The following KIF1C variants were observed in gnomAD, a reference collection of about 807,000 sequenced individuals.
KIF1C encodes the protein kinesin family member 1C.
In KIF1C, 61 loss-of-function variants were observed where a neutral mutation model predicts 126.5. The observed-to-expected ratio is 0.48, with a 90% CI of 0.39 to 0.60. KIF1C has a LOEUF of 0.60. KIF1C is among the 20% of genes least tolerant of loss of function. KIF1C has a pLI of 0.00. For synonymous variants in KIF1C, 640 were observed against 580.6 expected (o/e 1.10, Z -1.47); for missense variants, 1,315 against 1,489.2 (o/e 0.88, Z 1.93).
At position 5,024,110 on chromosome 17, in the gene KIF1C, C is replaced by T. The variant is rs755305909; in HGVS notation, c.3271C>T (p.Arg1091Cys). ...YTTPPRMRRQ[R>C]SAPDLKESGA... ...TACTCCCCCACGAATGAGACGGCAG[C>T]GTTCTGCCCCTGACCTCAAGGAGAG... Residue 1091 changes from arginine to cysteine, a missense_variant, in exon 23 of 23, where the codon CGT becomes TGT. This residue lies in a region of KIF1C where 441 missense variants were observed against 436.1 expected (regional missense o/e 1.01). Coordinates refer to ENST00000320785, the MANE Select transcript of KIF1C (RefSeq NM_006612.6). 25 of 1,610,406 alleles carry T rather than the reference C, an allele frequency of 1.6e-5. No homozygotes were observed. The highest frequency in any genetic ancestry group is 8.4e-5 in the Admixed American group (5 of 59,578).
At position 5,002,821 on chromosome 17, in the gene KIF1C, C is replaced by T; in HGVS notation, c.699C>T (p.Leu233=). 1 of 1,612,728 alleles carries T rather than the reference C, an allele frequency of 6.2e-7. No homozygotes were observed. The highest frequency in any genetic ancestry group is 8.5e-7 in the Non-Finnish European group (1 of 1,179,478). ...TCACACAGCGCTGCCATGACCAGCT[C>T]ACGGGGCTGGACTCGGAGAAGGTGG... The part of the protein sequence containing the change: ...IVFTQRCHDQ[L]TGLDSEKVSK... The change falls in exon 8 of 23, where the codon CTC becomes CTT. Residue 233 remains leucine, a synonymous_variant. Transcript: ENST00000320785.
In KIF1C at chr17:4,998,120, C is replaced by T. The variant is rs1974433700; in HGVS notation, c.-185C>T. ...CACGCTTCCCGGAAAGCTTGTCCCT[C>T]TCCGCCGAGCTGCTCCGGGAGCCCC... On this transcript the variant is annotated 5_prime_UTR_variant, in exon 1 of 23. Coordinates refer to ENST00000320785, the MANE Select transcript of KIF1C (RefSeq NM_006612.6). The T allele has an allele frequency of 6.6e-6, 1 of 152,192 alleles. No individual in the cohort carries two copies. Among genetic ancestry groups the T allele is most frequent in the African/African-American group, 2.4e-5 (1 of 41,456 alleles). 9.4% of individuals were successfully genotyped at this position (152,192 alleles called of 1,614,324 possible).
In KIF1C at chr17:5,004,708, G is replaced by A. The variant is rs978232543; in HGVS notation, c.1019+63G>A. The A allele has an allele frequency of 1.4e-5, 23 of 1,588,582 alleles. No homozygotes were observed. In the East Asian group the frequency reaches 1.6e-4, roughly 11 times the overall value. ...GGAAGAGTGCCAGGAGTTCAGAGGC[G>A]AGTTGCTCAGGACCCTGCTCGTGAG... On this transcript the variant is annotated intron_variant, in intron 12 of 22. Transcript: ENST00000320785.
rs993547611 is a variant in KIF1C, at chr17:5,022,254, G to A, written c.2173G>A (p.Val725Ile). The change falls in exon 22 of 23, where the codon GTT becomes ATT. Residue 725 changes from valine to isoleucine, a missense_variant. This residue lies in a region of KIF1C where 874 missense variants were observed against 1,053.2 expected (regional missense o/e 0.83). Transcript: ENST00000320785. The surrounding 1 kb of genome is among the most constrained non-coding windows in gnomAD (Gnocchi z 4.9). ...TGGCAAGCGCAGGGCCCCTCGCAGG[G>A]TTTATCAGATCCCCCAGCGACGCAG... ...SSGKRRAPRR[V>I]YQIPQRRRLQ... is the part of the protein sequence containing the mutation. 2 of 1,614,178 alleles carry A rather than the reference G, an allele frequency of 1.2e-6. No individual in the cohort carries two copies. The highest frequency in any genetic ancestry group is 1.7e-6 in the Non-Finnish European group (2 of 1,180,038).
chr17:5,010,559 T>C (rs1437959701), intron 16 of KIF1C, among the ~76,000 whole-genome samples: 2 of 151,636 alleles, frequency 1.3e-5, no homozygotes, highest in African/African-American at 4.8e-5. Context: ...CCATCCTGGC[T>C]AACAAGGTGA....
At chr17:5,016,930 C>T (rs1030295479) in intron 18 of KIF1C, among the ~76,000 whole-genome samples, 3 of 151,512 alleles carry the variant, frequency 2.0e-5, no homozygotes, top group Non-Finnish European at 2.9e-5. Flanking sequence ...AGACATGCCT[C>T]TTCGGTTTCC....
chr17:5,000,763 G>T lies in KIF1C; in HGVS notation c.107-9G>T, dbSNP rs370657828. The T allele has an allele frequency of 2.5e-6, 4 of 1,613,776 alleles. No individual in the cohort carries two copies. Among genetic ancestry groups the T allele is most frequent in the Non-Finnish European group, 3.4e-6 (4 of 1,179,738 alleles). On this transcript the variant is annotated splice_polypyrimidine_tract_variant and intron_variant, in intron 3 of 22. Transcript: ENST00000320785. ...GACTTTCCTTCCTTTACCCTCTCCT[G>T]CCCCTCAGCCATCATCAATCCTAAA...
In KIF1C at chr17:5,020,535, C is replaced by A. The variant is rs1371284245; in HGVS notation, c.1794C>A (p.Asn598Lys). 3 of 1,614,046 alleles carry A rather than the reference C, an allele frequency of 1.9e-6. No homozygotes were observed. Among genetic ancestry groups the A allele is most frequent in the Admixed American group, 3.3e-5 (2 of 59,988 alleles). Residue 598 changes from asparagine to lysine, a missense_variant, in exon 20 of 23, where the codon AAC (asparagine) becomes AAA (lysine). Physicochemically the swap from Asn to Lys is moderately conservative, Grantham distance 94. Coordinates refer to ENST00000320785, the MANE Select transcript of KIF1C (RefSeq NM_006612.6). This position sits in a 1 kb window ranked among gnomAD's most constrained non-coding sequence, Gnocchi z 5.8. ...GCAAGAACCACGTTTTCCGCTTCAA[C>A]CACCCGGAGCAGGCAAGGCTGGAAC... Reference protein sequence around the residue: ...VMGKNHVFRFNHPEQARLERE... With the variant: ...VMGKNHVFRFKHPEQARLERE...
At chr17:5,004,159 G>A (rs1472091627) in intron 11 of KIF1C, 86 bp downstream of exon 11, 5 of 989,480 alleles carry the variant, frequency 5.1e-6, no homozygotes, top group Admixed American at 1.7e-5. Context: ...TTGCTATGCC[G>A]AGAATCCCAA....
chr17:5,020,736 T>C lies in KIF1C; in HGVS notation c.1937+58T>C. 1 of 1,605,640 alleles carries C rather than the reference T, an allele frequency of 6.2e-7. No individual in the cohort carries two copies. The highest frequency in any genetic ancestry group is 1.7e-5 in the Admixed American group (1 of 58,636). On this transcript the variant is annotated intron_variant, in intron 20 of 22. Coordinates refer to ENST00000320785, the MANE Select transcript of KIF1C (RefSeq NM_006612.6). This position sits in a 1 kb window ranked among gnomAD's most constrained non-coding sequence, Gnocchi z 5.8. The stretch of plus-strand genomic sequence containing the variant: ...GTCTAGGCCGTCCCTCCCGGGCCTC[T>C]GGGCCCGTGTCCTCCTCTTGTCAGA...
chr17:5,001,223 C>T lies in KIF1C; in HGVS notation c.185C>T (p.Thr62Met), dbSNP rs762688180. The change falls in exon 5 of 23, where the codon ACG becomes ATG. Residue 62 changes from threonine to methionine, a missense_variant and splice_region_variant. By Grantham distance (81) the Thr-to-Met change is moderately conservative (BLOSUM62 -1). This residue lies in a region of KIF1C where 874 missense variants were observed against 1,053.2 expected (regional missense o/e 0.83). Transcript: ENST00000320785. ...TTCTCTGCCCCCACTTTCTCCTAGA[C>T]GGAGGACCCCCAGTTTGCATCTCAG... The part of the protein sequence containing the change: ...FDYSYWSHTS[T>M]EDPQFASQQQ... 2.1e-5 allele frequency: 34 copies of T among 1,613,730 alleles called. No individual in the cohort carries two copies. The highest frequency in any genetic ancestry group is 4.4e-5 in the South Asian group (4 of 91,084).
At chr17:5,015,536 G>A (rs918063593) in intron 18 of KIF1C, among the ~76,000 whole-genome samples, 6 of 149,812 alleles carry the variant, frequency 4.0e-5, no homozygotes, top group Non-Finnish European at 3.0e-5. Flanking sequence ...CGCCTGCCTC[G>A]GCCTTCCGAA....
rs543444588 is a variant in KIF1C at position 5,004,383 on chromosome 17, C to G, written c.941-184C>G. ...TTCTGTGACTGTCCTGCAGATATAT[C>G]TCCCTGACCTCATCCCCTCCCATAA... On this transcript the variant is annotated intron_variant, in intron 11 of 22. Transcript: ENST00000320785. Among the ~76,000 whole-genome samples, 30 of 152,310 alleles carry G rather than the reference C, an allele frequency of 2.0e-4. 1 individual carries two copies. Among genetic ancestry groups the G allele is most frequent in the African/African-American group, 6.7e-4 (28 of 41,566 alleles).
At chr17:5,005,303 G>A (rs1380790235) in intron 13 of KIF1C, among the ~76,000 whole-genome samples, 1 of 152,266 alleles carries the variant, frequency 6.6e-6, no homozygotes, top group African/African-American at 2.4e-5. Flanking sequence ...ACAGTAAATT[G>A]TTAAGAGGCT....
intron 8 of KIF1C, among the ~76,000 whole-genome samples, chr17:5,003,115 G>C (rs551513985): frequency 6.6e-6 from 1 of 151,610 alleles, no homozygotes; most frequent in East Asian, 1.9e-4. Flanking sequence ...TGCGATGTCA[G>C]CTCACTGTAA....
chr17:5,002,014 G>A lies in KIF1C; in HGVS notation c.364-45G>A, dbSNP rs373493511. 8.8e-5 allele frequency: 138 copies of A among 1,571,712 alleles called. No homozygotes were observed. In the South Asian group the frequency reaches 1.0e-3, roughly 11 times the overall value. ...GCCTGTGGCTGGACACTTTAGGTGT[G>A]CCCTGAACAGGAGCTTCTCTGTATT... On this transcript the variant is annotated intron_variant, in intron 5 of 22. Transcript: ENST00000320785.
chr17:5,007,428 T>C (rs772078658), intron 15 of KIF1C, 39 bp from the exon 16 acceptor site: 1 of 1,611,076 alleles, frequency 6.2e-7, no homozygotes, highest in Non-Finnish European at 8.5e-7. Flanking sequence ...TCACGGGCAG[T>C]GAAGGTAAGA....
At position 5,004,612 on chromosome 17, in the gene KIF1C, A is replaced by T. The variant is rs1324096379; in HGVS notation, c.986A>T (p.Asp329Val). The change falls in exon 12 of 23, where the codon GAC becomes GTC. Residue 329 changes from aspartate (D) to valine (V), a missense_variant. Physicochemically the swap from Asp to Val is radical, Grantham distance 152. Coordinates refer to ENST00000320785, the MANE Select transcript of KIF1C (RefSeq NM_006612.6). ...ATGATTGCAGCCCTGAGCCCTGCTG[A>T]CATCAATTACGAGGAGACTCTCAGC... ...TAMIAALSPADINYEETLSTL... is the reference protein window; with the variant it reads ...TAMIAALSPAVINYEETLSTL... 2 of 1,614,042 alleles carry T rather than the reference A, an allele frequency of 1.2e-6. No homozygotes were observed. Among genetic ancestry groups the T allele is most frequent in the Non-Finnish European group, 1.7e-6 (2 of 1,180,028 alleles).
rs148619121 is a variant in KIF1C, at chr17:5,007,059, C to T, written c.1310C>T (p.Pro437Leu). 168 of 1,599,142 alleles carry T rather than the reference C, an allele frequency of 1.1e-4. No homozygotes were observed. The highest frequency in any genetic ancestry group is 7.3e-5 in the Admixed American group (4 of 54,944). ...FSPNTESQIG[P>L]EEAMERLQET... ...CCCAACACGGAGTCCCAGATTGGGC[C>T]TGAGGAAGCCATGGAGAGGCTGCAG... is the stretch of plus-strand genomic sequence containing the variant. The change falls in exon 14 of 23, where the codon CCT (proline) becomes CTT (leucine). Residue 437 changes from proline (P) to leucine (L), a missense_variant. By Grantham distance (98) the Pro-to-Leu change is moderately conservative. Coordinates refer to ENST00000320785, the MANE Select transcript of KIF1C (RefSeq NM_006612.6).
Sources: allele counts gnomAD v4.1 joint callset (sites outside exome capture counted in the v4.1 genomes callset), GRCh38; gene constraint gnomAD v4.1.1; regional missense constraint gnomAD v4.1.1; non-coding constraint Gnocchi (gnomAD v3.1); transcripts MANE v1.5; gene names NCBI Gene and HGNC (gene_info 2026-07-23, HGNC 2026-07-21).